RAB38: variants seen among roughly 807,000 people sequenced by gnomAD.
RAB38 encodes the protein ras-related protein Rab-38.
In RAB38, 15 loss-of-function variants were observed where a neutral mutation model predicts 18.4. The ratio of observed to expected loss-of-function variants is 0.82; its 90% CI spans 0.55 to 1.26. RAB38 has a LOEUF of 1.26. Ranked by LOEUF, RAB38 falls within the 50% of genes most tolerant of loss-of-function variation. The probability of loss-of-function intolerance (pLI) is 0.00; values close to 1 mark genes in which losing one functional copy is unlikely to be tolerated. For missense variants in RAB38, 294 were observed against 267.4 expected, an observed-to-expected ratio of 1.10 and a Z score of -0.69; for synonymous variants, 101 against 104.4, an observed-to-expected ratio of 0.97 and a Z score of 0.20.
At chr11:87,977,830 T>TAG in the RAB38 span, among the ~76,000 whole-genome samples, 2 of 109,258 alleles carry the variant, frequency 1.8e-5, no homozygotes, top group African/African-American at 3.6e-5. Flanking sequence ...TATGTTCCTA[T>TAG]ATAATCATGT....
At chr11:88,149,179 TTC>T (rs35961901) in intron 2 of RAB38, among the ~76,000 whole-genome samples, 2,719 of 152,320 alleles carry the variant, frequency 0.018, 39 homozygotes, top group South Asian at 0.075. Flanking sequence ...TTGCTGTCTA[TTC>T]TCTGTTACCC....
At chr11:88,088,380 G>T in the RAB38 span, among the ~76,000 whole-genome samples, 1 of 151,878 alleles carries the variant, frequency 6.6e-6, no homozygotes, top group East Asian at 1.9e-4. Flanking sequence ...CTGGACAGTT[G>T]TACCCAATTA....
the RAB38 span, among the ~76,000 whole-genome samples, chr11:87,967,067 A>T: frequency 6.6e-6 from 1 of 152,224 alleles, no homozygotes; most frequent in Non-Finnish European, 1.5e-5. Flanking sequence ...TTGGAGAGGA[A>T]ATAATGAAGG....
At chr11:87,837,720 A>C in the RAB38 span, among the ~76,000 whole-genome samples, 2 of 152,226 alleles carry the variant, frequency 1.3e-5, no homozygotes, top group African/African-American at 4.8e-5. Context: ...AGGATCAAGC[A>C]AACTAAGGGA....
At chr11:87,920,390 G>T in the RAB38 span, among the ~76,000 whole-genome samples, 1 of 151,746 alleles carries the variant, frequency 6.6e-6, no homozygotes, top group South Asian at 2.1e-4. Flanking sequence ...TTTATTCATT[G>T]ACCAATTGGT....
chr11:88,173,917 T>G, intron 1 of RAB38: 1 of 985,400 alleles, frequency 1.0e-6, no homozygotes, highest in South Asian at 4.7e-5. Context: ...TTTCAAAAAT[T>G]TTCCACATTT....
chr11:88,107,293 C>T, the RAB38 span, among the ~76,000 whole-genome samples: 23 of 151,996 alleles, frequency 1.5e-4, no homozygotes, highest in African/African-American at 5.1e-4. Context: ...TGAAACCCTC[C>T]GAAGCCTAGG....
the RAB38 span, among the ~76,000 whole-genome samples, chr11:87,830,196 A>G: frequency 6.6e-6 from 1 of 152,094 alleles, no homozygotes; most frequent in African/African-American, 2.4e-5. Context: ...AAAACTAACA[A>G]TCGGCCAGGT....
At chr11:87,977,851 A>ATG in the RAB38 span, among the ~76,000 whole-genome samples, 4 of 110,102 alleles carry the variant, frequency 3.6e-5, no homozygotes, top group African/African-American at 1.1e-4. Flanking sequence ...ATATTAATGG[A>ATG]TAGTAATATA....
At chr11:88,173,570 A>G (rs1289244958) in intron 1 of RAB38, 1 of 985,296 alleles carries the variant, frequency 1.0e-6, no homozygotes, top group Non-Finnish European at 1.2e-6. Context: ...TCATGCTGTT[A>G]CCTGGATTGT....
At chr11:87,959,122 T>C in the RAB38 span, among the ~76,000 whole-genome samples, 1 of 152,132 alleles carries the variant, frequency 6.6e-6, no homozygotes, top group Non-Finnish European at 1.5e-5. Flanking sequence ...ACCTTCAGGC[T>C]ATGGGCCCAT....
At chr11:88,098,396 A>G in the RAB38 span, among the ~76,000 whole-genome samples, 1 of 151,962 alleles carries the variant, frequency 6.6e-6, no homozygotes. Context: ...TGCTATGCCA[A>G]CTAAATAAAG....
intron 2 of RAB38, among the ~76,000 whole-genome samples, chr11:88,114,972 A>C (rs1942528877): frequency 6.6e-6 from 1 of 152,256 alleles, no homozygotes; most frequent in South Asian, 2.1e-4. Context: ...GGAAAAAAGT[A>C]AAACTGGAAA....
the RAB38 span, among the ~76,000 whole-genome samples, chr11:87,950,169 G>GTTGGT: frequency 1.2e-3 from 176 of 152,166 alleles, no homozygotes; most frequent in South Asian, 3.1e-3. Flanking sequence ...TTTGGTCTTT[G>GTTGGT]TTGGTTTAAA....
the RAB38 span, among the ~76,000 whole-genome samples, chr11:87,813,248 C>T: frequency 3.3e-5 from 5 of 152,056 alleles, no homozygotes; most frequent in African/African-American, 4.8e-5. Context: ...TTTTGGAAGG[C>T]GGTAAGGAGG....
chr11:87,838,799 A>T, the RAB38 span, among the ~76,000 whole-genome samples: 1 of 152,254 alleles, frequency 6.6e-6, no homozygotes, highest in Admixed American at 6.5e-5. Context: ...TCCTCTGTTA[A>T]CTTTAAAAAT....
chr11:88,078,187 A>G, the RAB38 span, among the ~76,000 whole-genome samples: 1 of 152,088 alleles, frequency 6.6e-6, no homozygotes, highest in Admixed American at 6.5e-5. Flanking sequence ...GGATGTAGAG[A>G]AAAAGGAACC....
the RAB38 span, among the ~76,000 whole-genome samples, chr11:87,832,738 T>C: frequency 6.6e-6 from 1 of 152,012 alleles, no homozygotes; most frequent in Non-Finnish European, 1.5e-5. Context: ...TACTCTCCTT[T>C]TAAGAACTCC....
chr11:87,876,863 G>A, the RAB38 span, among the ~76,000 whole-genome samples: 1 of 151,504 alleles, frequency 6.6e-6, no homozygotes, highest in African/African-American at 2.4e-5. Context: ...TTTCTCCTTT[G>A]CCATTCAGCT....
Sources: allele counts gnomAD v4.1 joint callset (sites outside exome capture counted in the v4.1 genomes callset), GRCh38; gene constraint gnomAD v4.1.1; transcripts MANE v1.5; gene names NCBI Gene and HGNC (gene_info 2026-07-23, HGNC 2026-07-21).